The following LRIG1 variants were observed in gnomAD, a reference collection of about 807,000 sequenced individuals.
The protein encoded by LRIG1 is leucine-rich repeats and immunoglobulin-like domains protein 1.
A neutral mutation model predicts 99.2 loss-of-function variants in LRIG1; 48 were observed. The ratio of observed to expected loss-of-function variants is 0.48; its 90% CI spans 0.38 to 0.62. LRIG1 has a LOEUF of 0.62. Among genes scored for constraint, LRIG1 ranks in the 20% least tolerant of loss-of-function variants. The probability of loss-of-function intolerance (pLI) is 0.00; values close to 1 mark genes in which losing one functional copy is unlikely to be tolerated. For missense variants in LRIG1, 1,646 were observed against 1,434.4 expected (o/e 1.15, Z -2.38); for synonymous variants, 772 against 596.1 (o/e 1.29, Z -4.30).
intron 3 of LRIG1, chr3:66,417,753 CCTACCATA>C (rs1439688225): frequency 6.6e-6 from 1 of 152,438 alleles, no homozygotes; most frequent in East Asian, 1.9e-4. Context: ...TTTACCAACA[CCTACCATA>C]TACCAGACAC....
At chr3:66,421,606 G>A (rs561898659) in intron 3 of LRIG1, among the ~76,000 whole-genome samples, 17 of 152,294 alleles carry the variant, frequency 1.1e-4, no homozygotes, top group Admixed American at 2.6e-4. Context: ...ACAGGCTGGC[G>A]TTGAGTGTCT....
At chr3:66,438,971 C>T (rs998546733) in intron 3 of LRIG1, among the ~76,000 whole-genome samples, 1 of 152,230 alleles carries the variant, frequency 6.6e-6, no homozygotes, top group Non-Finnish European at 1.5e-5. Context: ...CAGCTCTTTT[C>T]CAGGGAATGG....
chr3:66,483,664 G>T (rs867065454), intron 1 of LRIG1, among the ~76,000 whole-genome samples: 2 of 152,218 alleles, frequency 1.3e-5, no homozygotes, highest in African/African-American at 4.8e-5. Context: ...AACCACAAGG[G>T]GAAGGGTGTC....
At chr3:66,482,174 C>T (rs1313735721) in intron 1 of LRIG1, among the ~76,000 whole-genome samples, 1 of 152,250 alleles carries the variant, frequency 6.6e-6, no homozygotes, top group Non-Finnish European at 1.5e-5. Flanking sequence ...CCCTCCGCAA[C>T]ACGCGTCCAC....
At chr3:66,427,952 G>C (rs1703035904) in intron 3 of LRIG1, among the ~76,000 whole-genome samples, 1 of 152,192 alleles carries the variant, frequency 6.6e-6, no homozygotes, top group African/African-American at 2.4e-5. Flanking sequence ...CTGGGTTGCT[G>C]CATTAGCAGT....
rs764467082 is a variant in LRIG1, at chr3:66,380,559, A to AAGAC, written c.3055+14_3055+17dup. On this transcript the variant is annotated intron_variant, in intron 18 of 18. Coordinates refer to ENST00000273261, the MANE Select transcript of LRIG1 (RefSeq NM_015541.3). ...AAGCAGCTCCCAACCCACCTGTTAG[A>AAGAC]AGACAGTCAAAAGTTACCTTTCCCA... The AAGAC allele has an allele frequency of 3.7e-6, 6 of 1,613,274 alleles. No homozygotes were observed. The Admixed American group carries it at 5.0e-5, about 13-fold the overall frequency.
In LRIG1 at chr3:66,500,217, C is replaced by G. The variant is rs920302198; in HGVS notation, c.191G>C (p.Gly64Ala). The G allele has an allele frequency of 6.6e-7, 1 of 1,513,884 alleles. No individual in the cohort carries two copies. The highest frequency in any genetic ancestry group is 8.8e-7 in the Non-Finnish European group (1 of 1,137,776). The allele number at this position is 1,513,884 out of a possible 1,614,324, so 93.8% of individuals were successfully genotyped here. A position where few individuals can be genotyped will look rare whatever the true frequency, so the allele number is the denominator to read the frequency against. Residue 64 changes from glycine to alanine, a missense_variant, in exon 1 of 19, where the codon GGG (glycine) becomes GCG (alanine). By Grantham distance (60) the Gly-to-Ala change is moderately conservative (BLOSUM62 0). Transcript: ENST00000273261. ...CGGRGLAALP[G>A]DLPSWTRSLN... is the part of the protein sequence containing the mutation. ...GCTCCGCGTCCAGGAGGGCAGGTCC[C>G]CGGGCAACGCAGCCAGCCCGCGCCC... is the stretch of plus-strand genomic sequence containing the variant.
chr3:66,430,628 G>A (rs1433735253), intron 3 of LRIG1, among the ~76,000 whole-genome samples: 1 of 152,148 alleles, frequency 6.6e-6, no homozygotes, highest in African/African-American at 2.4e-5. Flanking sequence ...CCTAACATGG[G>A]CAGTGACTTC....
intron 1 of LRIG1, among the ~76,000 whole-genome samples, chr3:66,495,557 G>A (rs181274340): frequency 3.3e-4 from 51 of 152,270 alleles, no homozygotes; most frequent in African/African-American, 1.2e-3. Context: ...TTAAACAAAC[G>A]AGGAAAAGAA....
intron 1 of LRIG1, among the ~76,000 whole-genome samples, chr3:66,481,287 T>G (rs1311551960): frequency 1.3e-5 from 2 of 152,252 alleles, no homozygotes; most frequent in Non-Finnish European, 2.9e-5. Context: ...TCATTCACAC[T>G]TTCAGAGTGC....
At position 66,500,402 on chromosome 3, in the gene LRIG1, C is replaced by T; in HGVS notation, c.6G>A (p.Ala2=). Residue 2 remains alanine (A), a synonymous_variant, in exon 1 of 19, where the codon GCG becomes GCA. Coordinates refer to ENST00000273261, the MANE Select transcript of LRIG1 (RefSeq NM_015541.3). ...CCCCGAGCCCTCCCCGGACCGGCCG[C>T]GCCATCTTGTCTGGAGCGCGCTGCG... is the stretch of plus-strand genomic sequence containing the variant. M[A]RPVRGGLGAP... 1 of 1,416,288 alleles carries T rather than the reference C, an allele frequency of 7.1e-7. No individual in the cohort carries two copies. The highest frequency in any genetic ancestry group is 1.5e-5 in the South Asian group (1 of 65,020). The allele number at this position is 1,416,288 out of a possible 1,614,324, so 87.7% of individuals were successfully genotyped here.
At chr3:66,481,282 C>T (rs1037084323) in intron 1 of LRIG1, among the ~76,000 whole-genome samples, 9 of 152,238 alleles carry the variant, frequency 5.9e-5, no homozygotes, top group Non-Finnish European at 1.2e-4. Flanking sequence ...CAACATCATT[C>T]ACACTTTCAG....
chr3:66,405,565 G>A (rs1232172233), intron 8 of LRIG1, among the ~76,000 whole-genome samples: 2 of 152,230 alleles, frequency 1.3e-5, no homozygotes, highest in Non-Finnish European at 2.9e-5. Context: ...AGACAGCCCA[G>A]TCTGTATTCT....
intron 1 of LRIG1, among the ~76,000 whole-genome samples, chr3:66,493,918 G>A (rs1356599614): frequency 2.0e-5 from 3 of 147,074 alleles, no homozygotes; most frequent in Non-Finnish European, 4.5e-5. Flanking sequence ...AAAGAAGGGA[G>A]GAGAGAAAGA....
At chr3:66,425,785 G>A (rs1385000411) in intron 3 of LRIG1, among the ~76,000 whole-genome samples, 2 of 152,212 alleles carry the variant, frequency 1.3e-5, no homozygotes, top group South Asian at 4.1e-4. Context: ...GCCCTCTGGA[G>A]CGAGGAGAAC....
intron 12 of LRIG1, 79 bp from the exon 13 acceptor site, chr3:66,386,380 A>G: frequency 8.4e-7 from 1 of 1,196,096 alleles, no homozygotes; most frequent in Non-Finnish European, 1.2e-6. Context: ...GCTAACAGAA[A>G]CTGACACAGA....
intron 11 of LRIG1, among the ~76,000 whole-genome samples, chr3:66,397,039 G>A (rs1701876840): frequency 6.6e-6 from 1 of 152,248 alleles, no homozygotes; most frequent in Non-Finnish European, 1.5e-5. Context: ...GCACGGAGCA[G>A]CTGTCTGCAG....
In LRIG1 at chr3:66,417,213, G is replaced by T. The variant is rs1274305935; in HGVS notation, c.419C>A (p.Ser140Tyr). The T allele has an allele frequency of 1.2e-5, 19 of 1,614,066 alleles. No homozygotes were observed. Among genetic ancestry groups the T allele is most frequent in the Non-Finnish European group, 1.4e-5 (17 of 1,180,038 alleles). The change falls in exon 4 of 19, where the codon TCC becomes TAC. Residue 140 changes from serine (S) to tyrosine (Y), a missense_variant. Coordinates refer to ENST00000273261, the MANE Select transcript of LRIG1 (RefSeq NM_015541.3). ...VEGSQLKAYL[S>Y]LEVLDLSLNN... The stretch of plus-strand genomic sequence containing the variant: ...CAAACTCAGATCTAACACTTCTAAG[G>T]AAAGGTAGGCCTTCAGCTGGCTCCC...
chr3:66,500,380 C>T lies in LRIG1; in HGVS notation c.28G>A (p.Gly10Arg), dbSNP rs767240219. 3 of 1,470,410 alleles carry T rather than the reference C, an allele frequency of 2.0e-6. No individual in the cohort carries two copies. Among genetic ancestry groups the T allele is most frequent in the Admixed American group, 2.6e-5 (1 of 37,814 alleles). The allele number at this position is 1,470,410 out of a possible 1,614,324, so 91.1% of individuals were successfully genotyped here. A position where few individuals can be genotyped will look rare whatever the true frequency, so the allele number is the denominator to read the frequency against. Residue 10 changes from glycine to arginine, a missense_variant, in exon 1 of 19, where the codon GGG (glycine) becomes AGG (arginine). Coordinates refer to ENST00000273261, the MANE Select transcript of LRIG1 (RefSeq NM_015541.3). Reference protein sequence around the residue: MARPVRGGLGAPRRSPCLLL... With the variant: MARPVRGGLRAPRRSPCLLL... Reference sequence around the variant, plus strand: ...AGGCAAGGCGAGCGGCGCGGGGCCCCGAGCCCTCCCCGGACCGGCCGCGCC... The same window carrying T: ...AGGCAAGGCGAGCGGCGCGGGGCCCTGAGCCCTCCCCGGACCGGCCGCGCC...
Sources: gnomAD v4.1 joint callset for allele counts (sites outside exome capture counted in the v4.1 genomes callset) on GRCh38, gnomAD v4.1.1 for gene constraint, MANE v1.5 for transcripts, NCBI Gene and HGNC (gene_info 2026-07-23, HGNC 2026-07-21) for gene names.